The following ATP8A2 variants were observed in gnomAD, a reference collection of about 807,000 sequenced individuals.
The protein encoded by ATP8A2 is phospholipid-transporting ATPase IB.
ATP8A2 carries 100 observed loss-of-function variants against 165.6 expected under a neutral mutation model. The ratio of observed to expected loss-of-function variants is 0.60; its 90% CI spans 0.51 to 0.71. ATP8A2 has a LOEUF of 0.71. Ranked by LOEUF, ATP8A2 falls within the 30% of genes least tolerant of loss-of-function variation. The pLI is 0.00. For missense variants in ATP8A2, 1,227 were observed against 1,479.5 expected (o/e 0.83, Z 2.80); for synonymous variants, 543 against 548.8 (o/e 0.99, Z 0.15).
At position 25,855,250 on chromosome 13, in the gene ATP8A2, C is replaced by CAA. The variant is rs377574904; in HGVS notation, c.2957-4929_2957-4928dup. Reference sequence around the variant, plus strand: ...TGGGCGACAGAGTAAGACTCCATCTCAAAAAAAAAAAAAAAAAGAGTCACT... The same window carrying CAA: ...TGGGCGACAGAGTAAGACTCCATCTCAAAAAAAAAAAAAAAAAAAGAGTCACT... On this transcript the variant is annotated intron_variant, in intron 30 of 36. Transcript: ENST00000381655. Among the ~76,000 whole-genome samples the CAA allele has an allele frequency of 7.9e-3, 881 of 111,572 alleles. 8 individuals are homozygous for CAA. The highest frequency in any genetic ancestry group is 0.026 in the African/African-American group (828 of 31,568). The allele number at this position is 111,572 out of a possible 152,430, so 73.2% of individuals were successfully genotyped here.
At chr13:25,596,378 A>G (rs115571129) in intron 24 of ATP8A2, among the ~76,000 whole-genome samples, 1 of 152,382 alleles carries the variant, frequency 6.6e-6, no homozygotes, top group Non-Finnish European at 1.5e-5. Context: ...ACAAATGTAT[A>G]TAAGCATGTA....
Position 25,871,758 on chromosome 13 carries a change from A to G in ATP8A2, c.3183+9350A>G, listed in dbSNP as rs141731272. On this transcript the variant is annotated intron_variant, in intron 33 of 36. Transcript: ENST00000381655. ...GATGCTTTCTGAACTTTGATTAGCC[A>G]GCTGTCATAAGTGTTGGCATTCCTT... is the stretch of plus-strand genomic sequence containing the variant. Among the ~76,000 whole-genome samples the G allele has an allele frequency of 5.3e-3, 806 of 152,314 alleles. 14 individuals are homozygous for G. The highest frequency in any genetic ancestry group is 0.019 in the African/African-American group (789 of 41,574).
At chr13:25,441,540 C>G (rs1206324727) in intron 1 of ATP8A2, among the ~76,000 whole-genome samples, 3 of 152,182 alleles carry the variant, frequency 2.0e-5, no homozygotes, top group Non-Finnish European at 4.4e-5. Flanking sequence ...TCAATTCATT[C>G]ATTTATCAAC....
chr13:26,019,250 A>G (rs2139379149), intron 36 of ATP8A2, among the ~76,000 whole-genome samples: 1 of 151,874 alleles, frequency 6.6e-6, no homozygotes, highest in East Asian at 1.9e-4. Context: ...AAAAAAAAAT[A>G]GCTGGGCGTG....
chr13:25,907,865 G>T lies in ATP8A2; in HGVS notation c.3183+45457G>T, dbSNP rs184923613. Among the ~76,000 whole-genome samples the T allele has an allele frequency of 3.5e-4, 54 of 152,286 alleles. No individual in the cohort carries two copies. In the East Asian group the frequency reaches 9.1e-3, roughly 26 times the overall value. ...AAACAGTAGAATTTGAGTAAAAAGA[G>T]ATTTTCTTAGAGTTCTGTGATGGAC... On this transcript the variant is annotated intron_variant, in intron 33 of 36. Transcript: ENST00000381655.
Position 26,023,062 on chromosome 13 carries a change from T to C in ATP8A2, c.*3077T>C, listed in dbSNP as rs1313643643. ...TGACACGTGCCAGCAAGGGTAGCTG[T>C]GGAAAACACGTATCAGGAGAGCAGA... On this transcript the variant is annotated 3_prime_UTR_variant, in exon 37 of 37. Transcript: ENST00000381655. 1 of 152,206 alleles carries C rather than the reference T, an allele frequency of 6.6e-6. No individual in the cohort carries two copies. Among genetic ancestry groups the C allele is most frequent in the African/African-American group, 2.4e-5 (1 of 41,440 alleles). 9.4% of individuals were successfully genotyped at this position (152,206 alleles called of 1,614,324 possible). A position where few individuals can be genotyped will look rare whatever the true frequency, so the allele number is the denominator to read the frequency against.
At chr13:25,551,877 CATT>C (rs2038834178) in intron 11 of ATP8A2, among the ~76,000 whole-genome samples, 1 of 151,872 alleles carries the variant, frequency 6.6e-6, no homozygotes, top group Admixed American at 6.6e-5. Flanking sequence ...TTGGTGCTGT[CATT>C]GTTATATTCC....
At chr13:25,597,001 C>T (rs2040253338) in intron 24 of ATP8A2, among the ~76,000 whole-genome samples, 2 of 152,002 alleles carry the variant, frequency 1.3e-5, no homozygotes, top group Admixed American at 6.6e-5. Context: ...TTATATTTCC[C>T]TGATGACTAA....
At chr13:25,665,655 A>G (rs1328680554) in intron 24 of ATP8A2, among the ~76,000 whole-genome samples, 1 of 150,546 alleles carries the variant, frequency 6.6e-6, no homozygotes, top group Non-Finnish European at 1.5e-5. Context: ...TCCAGAAACC[A>G]TGGATGCATG....
chr13:25,967,117 A>C (rs980072957), intron 34 of ATP8A2, among the ~76,000 whole-genome samples: 1 of 152,188 alleles, frequency 6.6e-6, no homozygotes, highest in Non-Finnish European at 1.5e-5. Flanking sequence ...CACATGTTAC[A>C]TAATAATGAA....
chr13:25,873,041 A>G (rs1314486433), intron 33 of ATP8A2, among the ~76,000 whole-genome samples: 1 of 152,156 alleles, frequency 6.6e-6, no homozygotes, highest in East Asian at 1.9e-4. Context: ...CTCTTGACCA[A>G]CGCAGATCTG....
chr13:25,800,360 A>G (rs1950596659), intron 27 of ATP8A2, among the ~76,000 whole-genome samples: 1 of 152,234 alleles, frequency 6.6e-6, no homozygotes, highest in Non-Finnish European at 1.5e-5. Flanking sequence ...CAGTTACATG[A>G]TTATAAAACA....
intron 25 of ATP8A2, among the ~76,000 whole-genome samples, chr13:25,760,214 A>G (rs1198087257): frequency 2.6e-5 from 4 of 152,178 alleles, no homozygotes; most frequent in Non-Finnish European, 4.4e-5. Flanking sequence ...CAACTGTAGG[A>G]TAGCTGACCT....
At chr13:25,577,824 C>T (rs780224632) in intron 20 of ATP8A2, among the ~76,000 whole-genome samples, 1 of 152,106 alleles carries the variant, frequency 6.6e-6, no homozygotes, top group Non-Finnish European at 1.5e-5. Context: ...CAGAGCTCTC[C>T]TAGGATTAAT....
At chr13:25,719,184 AT>A (rs1403126246) in intron 25 of ATP8A2, among the ~76,000 whole-genome samples, 1 of 152,172 alleles carries the variant, frequency 6.6e-6, no homozygotes, top group African/African-American at 2.4e-5. Flanking sequence ...TTGCTATTTC[AT>A]TTCTTTGAAA....
At chr13:25,843,203 G>A (rs1240623187) in intron 30 of ATP8A2, among the ~76,000 whole-genome samples, 1 of 152,080 alleles carries the variant, frequency 6.6e-6, no homozygotes, top group Non-Finnish European at 1.5e-5. Context: ...AACATTCCTG[G>A]CCAGGACCTT....
chr13:25,526,432 C>CTTAT (rs1374743879), intron 2 of ATP8A2, among the ~76,000 whole-genome samples: 2 of 152,138 alleles, frequency 1.3e-5, no homozygotes, highest in Non-Finnish European at 2.9e-5. Context: ...GATTCTTTTG[C>CTTAT]TTTTCATTGG....
chr13:25,469,883 G>A (rs774484581), intron 2 of ATP8A2, among the ~76,000 whole-genome samples: 1 of 152,132 alleles, frequency 6.6e-6, no homozygotes. Flanking sequence ...ACGGGTGTTC[G>A]TACATTTTCA....
intron 33 of ATP8A2, among the ~76,000 whole-genome samples, chr13:25,875,725 G>T (rs1952805037): frequency 1.3e-5 from 2 of 149,462 alleles, no homozygotes; most frequent in African/African-American, 5.2e-5. Context: ...CATAGGTGAT[G>T]TCTGTGGCAT....
Sources: allele counts gnomAD v4.1 joint callset (sites outside exome capture counted in the v4.1 genomes callset), GRCh38; gene constraint gnomAD v4.1.1; transcripts MANE v1.5; gene names NCBI Gene and HGNC (gene_info 2026-07-23, HGNC 2026-07-21).